The following SHLD2 variants were observed in gnomAD, a reference collection of about 807,000 sequenced individuals.
SHLD2 encodes shieldin complex subunit 2.
SHLD2 carries 30 observed loss-of-function variants against 73.2 expected under a neutral mutation model. The ratio of observed to expected loss-of-function variants is 0.41; its 90% CI spans 0.31 to 0.56. The LOEUF (loss-of-function observed/expected upper bound fraction) is 0.56, where lower values mean the gene tolerates loss of function less well. Among genes scored for constraint, SHLD2 ranks in the 20% least tolerant of loss-of-function variants. The pLI, the probability that SHLD2 is intolerant of heterozygous loss-of-function variation, is 0.28. For synonymous variants in SHLD2, 285 were observed against 370.1 expected, an observed-to-expected ratio of 0.77 and a Z score of 2.64; for missense variants, 745 against 1,055.9, an observed-to-expected ratio of 0.71 and a Z score of 4.08.
At chr10:87,144,115 G>T (rs948993822) in intron 2 of SHLD2, among the ~76,000 whole-genome samples, 1 of 151,892 alleles carries the variant, frequency 6.6e-6, no homozygotes, top group Non-Finnish European at 1.5e-5. Flanking sequence ...TGCCCACTTC[G>T]GCCTCCCAAA....
At chr10:87,143,377 T>C (rs1385298343) in intron 2 of SHLD2, among the ~76,000 whole-genome samples, 2 of 152,152 alleles carry the variant, frequency 1.3e-5, no homozygotes, top group Non-Finnish European at 2.9e-5. Flanking sequence ...CTATTAATTC[T>C]GAATCCAAAA....
chr10:87,138,238 C>T (rs1844936084), intron 2 of SHLD2, among the ~76,000 whole-genome samples: 2 of 152,046 alleles, frequency 1.3e-5, no homozygotes, highest in African/African-American at 4.8e-5. Context: ...GTGGAGGTTG[C>T]AGTGAGCTGA....
intron 1 of SHLD2, among the ~76,000 whole-genome samples, chr10:87,095,508 C>G (rs1444273255): frequency 6.6e-6 from 1 of 152,136 alleles, no homozygotes; most frequent in African/African-American, 2.4e-5. Context: ...GGGGCTGACA[C>G]GTGGGCAGGA....
chr10:87,181,057 G>A (rs182123992), intron 8 of SHLD2, among the ~76,000 whole-genome samples: 7,475 of 151,856 alleles, frequency 0.049, 273 homozygotes, highest in Non-Finnish European at 0.067. Context: ...TACTGTGAAA[G>A]TTGCTTTTGT....
intron 2 of SHLD2, among the ~76,000 whole-genome samples, chr10:87,121,174 G>A (rs1311348800): frequency 2.0e-5 from 3 of 151,886 alleles, no homozygotes. Context: ...GCCCAGGCTG[G>A]GGTGCAGTGA....
chr10:87,167,025 C>T (rs1287570562), intron 4 of SHLD2, among the ~76,000 whole-genome samples: 1 of 151,336 alleles, frequency 6.6e-6, no homozygotes, highest in Non-Finnish European at 1.5e-5. Flanking sequence ...TTCAGCATAT[C>T]TTGTATATGT....
intron 2 of SHLD2, among the ~76,000 whole-genome samples, chr10:87,127,243 GTTGGAGGCTACCTA>G (rs1844073335): frequency 6.6e-6 from 1 of 152,100 alleles, no homozygotes; most frequent in African/African-American, 2.4e-5. Flanking sequence ...CTGTGCATAA[GTTGGAGGCTACCTA>G]TTGTGAAATG....
At chr10:87,155,290 T>C (rs1438082690) in intron 3 of SHLD2, among the ~76,000 whole-genome samples, 5 of 152,144 alleles carry the variant, frequency 3.3e-5, no homozygotes, top group Non-Finnish European at 7.3e-5. Context: ...AGGCTTAGCA[T>C]AGCCACATCC....
At chr10:87,120,269 A>G (rs950736072) in intron 2 of SHLD2, among the ~76,000 whole-genome samples, 1 of 126,560 alleles carries the variant, frequency 7.9e-6, no homozygotes, top group African/African-American at 3.5e-5. Context: ...TTTTTTTGAG[A>G]CAGAGTCTTG....
chr10:87,189,651 G>T (rs1245291622), intron 9 of SHLD2, among the ~76,000 whole-genome samples: 2 of 152,224 alleles, frequency 1.3e-5, no homozygotes, highest in African/African-American at 4.8e-5. Context: ...GGTTAGTACG[G>T]TCTGAGCATG....
rs61545267 is a variant in SHLD2 at position 87,097,657 on chromosome 10, A to T, written c.-6+668A>T. Among the ~76,000 whole-genome samples the T allele has an allele frequency of 6.1e-3, 918 of 150,190 alleles. 9 individuals are homozygous for T. Among genetic ancestry groups the T allele is most frequent in the African/African-American group, 0.021 (872 of 41,050 alleles). On this transcript the variant is annotated intron_variant, in intron 2 of 9. Transcript: ENST00000298786. ...GAGGAATAGAGCTGTGGAAATTACTATTTTTTTTTTAATTGAGAATCTCCT... is the reference window on the plus strand; with the variant it reads ...GAGGAATAGAGCTGTGGAAATTACTTTTTTTTTTTTAATTGAGAATCTCCT...
Position 87,190,633 on chromosome 10 carries a change from C to T in SHLD2, c.2665C>T (p.Leu889=), listed in dbSNP as rs776099792. The T allele has an allele frequency of 4.3e-6, 7 of 1,611,862 alleles. No individual in the cohort carries two copies. The highest frequency in any genetic ancestry group is 5.1e-6 in the Non-Finnish European group (6 of 1,179,844). ...TCCATTACAACAAGATTTCTCCCTCCTGGATTTTTATCCTGACATTGTAAA... is the reference window on the plus strand; with the variant it reads ...TCCATTACAACAAGATTTCTCCCTCTTGGATTTTTATCCTGACATTGTAAA... ...SYPLQQDFSL[L]DFYPDIVKHG... is the part of the protein sequence containing the mutation. The change falls in exon 10 of 10, where the codon CTG becomes TTG. Residue 889 remains leucine, a synonymous_variant. Transcript: ENST00000298786.
At chr10:87,169,320 A>G (rs751283292) in intron 4 of SHLD2, among the ~76,000 whole-genome samples, 2 of 152,226 alleles carry the variant, frequency 1.3e-5, no homozygotes, top group African/African-American at 2.4e-5. Context: ...TCAGTCTGGT[A>G]GTATTACGTG....
chr10:87,095,502 C>T (rs1279618224), intron 1 of SHLD2, among the ~76,000 whole-genome samples: 2 of 152,156 alleles, frequency 1.3e-5, no homozygotes, highest in Non-Finnish European at 2.9e-5. Flanking sequence ...CGTGCAGGGG[C>T]TGACACGTGG....
intron 2 of SHLD2, among the ~76,000 whole-genome samples, chr10:87,109,203 C>A (rs1173503629): frequency 1.3e-5 from 2 of 152,206 alleles, no homozygotes; most frequent in Admixed American, 1.3e-4. Flanking sequence ...TGGCTACAGT[C>A]CCTGGACCAT....
At chr10:87,141,246 A>G (rs113180229) in intron 2 of SHLD2, among the ~76,000 whole-genome samples, 4 of 152,004 alleles carry the variant, frequency 2.6e-5, no homozygotes, top group Non-Finnish European at 5.9e-5. Context: ...GTGCCACTGC[A>G]CTCCAGCATG....
Position 87,120,254 on chromosome 10 carries a change from A to T in SHLD2, c.-6+23265A>T, listed in dbSNP as rs569636663. Among the ~76,000 whole-genome samples the T allele has an allele frequency of 4.6e-3, 682 of 149,586 alleles. 3 individuals are homozygous for T. Among genetic ancestry groups the T allele is most frequent in the African/African-American group, 0.011 (423 of 39,802 alleles). ...TATTTATTTATTTATTTATTTATTT[A>T]TTTATTTTTTTGAGACAGAGTCTTG... On this transcript the variant is annotated intron_variant, in intron 2 of 9. Transcript: ENST00000298786.
chr10:87,102,947 C>G (rs893833852), intron 2 of SHLD2, among the ~76,000 whole-genome samples: 1 of 152,020 alleles, frequency 6.6e-6, no homozygotes, highest in Non-Finnish European at 1.5e-5. Flanking sequence ...CGTGGTGGCT[C>G]GCTCCTGTAA....
At chr10:87,136,684 A>G (rs991658961) in intron 2 of SHLD2, among the ~76,000 whole-genome samples, 2 of 151,814 alleles carry the variant, frequency 1.3e-5, no homozygotes, top group African/African-American at 4.8e-5. Flanking sequence ...TGCTTATCTA[A>G]AAACTCCTGC....
Sources: allele counts gnomAD v4.1 joint callset (sites outside exome capture counted in the v4.1 genomes callset), GRCh38; gene constraint gnomAD v4.1.1; transcripts MANE v1.5; gene names NCBI Gene and HGNC (gene_info 2026-07-23, HGNC 2026-07-21).